AOPEP: variants seen among roughly 807,000 people sequenced by gnomAD.
The protein encoded by AOPEP is aminopeptidase O.
A neutral mutation model predicts 98.1 loss-of-function variants in AOPEP; 77 were observed. The observed-to-expected ratio is 0.78, with a 90% confidence interval of 0.65 to 0.95. The LOEUF is 0.95. AOPEP is among the 40% of genes least tolerant of loss of function. AOPEP has a pLI of 0.00. For missense variants in AOPEP, 1,024 were observed against 1,024.7 expected (o/e 1.00, Z 0.01); for synonymous variants, 346 against 365.3 (o/e 0.95, Z 0.60).
At chr9:94,902,342 G>A (rs80337929) in intron 5 of AOPEP, among the ~76,000 whole-genome samples, 1,649 of 152,312 alleles carry the variant, frequency 0.011, 29 homozygotes, top group African/African-American at 0.038. Context: ...CTGAGCTGGA[G>A]TGGGGTTAGG....
chr9:94,838,202 G>T (rs563996648), intron 5 of AOPEP, among the ~76,000 whole-genome samples: 1 of 152,164 alleles, frequency 6.6e-6, no homozygotes, highest in African/African-American at 2.4e-5. Flanking sequence ...GTAGAGATGG[G>T]GTTTCACTGC....
At chr9:95,123,227 C>G in the AOPEP span, 1 of 210,592 alleles carries the variant, frequency 4.7e-6, no homozygotes, top group African/African-American at 2.4e-5. Flanking sequence ...CGCTTGAGCC[C>G]ACGAAGCCAA....
chr9:94,867,557 A>AATGT (rs2045851581), intron 5 of AOPEP, among the ~76,000 whole-genome samples: 1 of 152,234 alleles, frequency 6.6e-6, no homozygotes, highest in African/African-American at 2.4e-5. Context: ...TAAAACAGTG[A>AATGT]TAACATTCAC....
At chr9:95,121,579 G>T in the AOPEP span, among the ~76,000 whole-genome samples, 1 of 152,200 alleles carries the variant, frequency 6.6e-6, no homozygotes, top group Non-Finnish European at 1.5e-5. Flanking sequence ...AAACCTGGAA[G>T]CATCTCAAGT....
intron 7 of AOPEP, among the ~76,000 whole-genome samples, chr9:94,934,082 G>A (rs911659114): frequency 6.6e-6 from 1 of 152,064 alleles, no homozygotes; most frequent in African/African-American, 2.4e-5. Context: ...AAAGCTTACA[G>A]GCTTCAAGGA....
chr9:95,097,154 A>G, the AOPEP span, among the ~76,000 whole-genome samples: 1 of 152,154 alleles, frequency 6.6e-6, no homozygotes, highest in East Asian at 1.9e-4. Context: ...TGCCTACAAA[A>G]CATCTTTCTG....
the AOPEP span, among the ~76,000 whole-genome samples, chr9:95,146,399 G>A: frequency 7.0e-6 from 1 of 142,600 alleles, no homozygotes; most frequent in African/African-American, 2.6e-5. Flanking sequence ...GAGGTGGGAG[G>A]ATCGCCTGAG....
At chr9:94,942,733 T>C (rs1053222479) in intron 7 of AOPEP, among the ~76,000 whole-genome samples, 8 of 152,098 alleles carry the variant, frequency 5.3e-5, no homozygotes, top group African/African-American at 1.4e-4. Context: ...TTTCGAGATA[T>C]AGGATCAACA....
At chr9:94,791,720 T>C (rs1845768882) in intron 3 of AOPEP, among the ~76,000 whole-genome samples, 1 of 152,068 alleles carries the variant, frequency 6.6e-6, no homozygotes, top group African/African-American at 2.4e-5. Context: ...ACTATGCTTA[T>C]TACCTGGGTA....
chr9:94,992,336 T>A (rs2060943036), intron 11 of AOPEP, among the ~76,000 whole-genome samples: 1 of 152,224 alleles, frequency 6.6e-6, no homozygotes, highest in Admixed American at 6.5e-5. Flanking sequence ...TTCTTCCAGG[T>A]CAGTCCTCCA....
the AOPEP span, among the ~76,000 whole-genome samples, chr9:95,106,000 G>A: frequency 2.0e-4 from 31 of 152,340 alleles, no homozygotes; most frequent in African/African-American, 7.5e-4. Flanking sequence ...AGAACTGCCT[G>A]CCACATGGTA....
chr9:95,101,612 T>C, the AOPEP span: 3 of 1,489,868 alleles, frequency 2.0e-6, no homozygotes, highest in South Asian at 1.2e-5. Flanking sequence ...CGAGGGCACT[T>C]ACTCCACAAA....
At position 95,007,751 on chromosome 9, in the gene AOPEP, G is replaced by C. The variant is rs560780519; in HGVS notation, c.2115+2135G>C. ...CCCTTTTGCTCACTGTTTTGCTTCTGCCACACCTAGGAGAAGATTCAGAGC... is the reference window on the plus strand; with the variant it reads ...CCCTTTTGCTCACTGTTTTGCTTCTCCCACACCTAGGAGAAGATTCAGAGC... On this transcript the variant is annotated intron_variant, in intron 13 of 16. Coordinates refer to ENST00000375315, the MANE Select transcript of AOPEP (RefSeq NM_001193329.3). Among the ~76,000 whole-genome samples the C allele has an allele frequency of 5.9e-5, 9 of 152,312 alleles. No individual in the cohort carries two copies. In the East Asian group the frequency reaches 1.7e-3, roughly 29 times the overall value.
At chr9:94,771,741 G>A (rs1037313317) in intron 2 of AOPEP, among the ~76,000 whole-genome samples, 2 of 149,828 alleles carry the variant, frequency 1.3e-5, no homozygotes, top group Admixed American at 1.3e-4. Context: ...GCTCCCCCTG[G>A]ACAGTCCCCA....
chr9:95,101,723 A>C, the AOPEP span: 4 of 1,614,026 alleles, frequency 2.5e-6, no homozygotes, highest in Non-Finnish European at 2.5e-6. Flanking sequence ...TTGAGTTCGC[A>C]GCTCTTTAAG....
chr9:94,949,454 T>C (rs2057940121), intron 7 of AOPEP, among the ~76,000 whole-genome samples: 1 of 152,198 alleles, frequency 6.6e-6, no homozygotes, highest in African/African-American at 2.4e-5. Context: ...GAATAAACCT[T>C]GTTTATTTTC....
At chr9:94,799,416 AAAAG>A (rs1287009628) in intron 4 of AOPEP, among the ~76,000 whole-genome samples, 1 of 152,044 alleles carries the variant, frequency 6.6e-6, no homozygotes, top group Non-Finnish European at 1.5e-5. Flanking sequence ...AAAAAAAAAA[AAAAG>A]GCTGGATGTG....
chr9:94,855,518 G>A, intron 5 of AOPEP, among the ~76,000 whole-genome samples: 1 of 152,078 alleles, frequency 6.6e-6, no homozygotes, highest in East Asian at 1.9e-4. Flanking sequence ...GAGAAACCCT[G>A]TCTCTACTGA....
intron 2 of AOPEP, among the ~76,000 whole-genome samples, chr9:94,771,037 A>C (rs1346292595): frequency 6.6e-6 from 1 of 152,220 alleles, no homozygotes; most frequent in East Asian, 1.9e-4. Flanking sequence ...CCTCATCTCA[A>C]ATCCGATTGT....
Sources: gnomAD v4.1 joint callset for allele counts (sites outside exome capture counted in the v4.1 genomes callset) on GRCh38, gnomAD v4.1.1 for gene constraint, MANE v1.5 for transcripts, NCBI Gene and HGNC (gene_info 2026-07-23, HGNC 2026-07-21) for gene names.